CADM2: variants seen among roughly 807,000 people sequenced by gnomAD.
CADM2 encodes the protein cell adhesion molecule 2.
CADM2 carries 12 observed loss-of-function variants against 49.8 expected under a neutral mutation model. The observed-to-expected ratio is 0.24, with a 90% confidence interval of 0.15 to 0.39. CADM2 has a LOEUF of 0.39. Ranked by LOEUF, CADM2 falls within the 10% of genes least tolerant of loss-of-function variation. The pLI, the probability that CADM2 is intolerant of heterozygous loss-of-function variation, is 1.00. For synonymous variants in CADM2, 214 were observed against 175.4 expected (o/e 1.22, Z -1.74); for missense variants, 378 against 492.3 (o/e 0.77, Z 2.20).
intron 6 of CADM2, among the ~76,000 whole-genome samples, chr3:85,917,743 A>T (rs1184719534): frequency 6.6e-6 from 1 of 152,112 alleles, no homozygotes; most frequent in African/African-American, 2.4e-5. Flanking sequence ...CATTGAATCT[A>T]TAAATTACCT....
chr3:85,001,394 TC>T (rs2033456592), intron 1 of CADM2, among the ~76,000 whole-genome samples: 1 of 152,104 alleles, frequency 6.6e-6, no homozygotes. Context: ...CGTCTATCTA[TC>T]TACCCTTGTG....
At chr3:85,368,624 T>G (rs2032974007) in intron 1 of CADM2, among the ~76,000 whole-genome samples, 1 of 151,778 alleles carries the variant, frequency 6.6e-6, no homozygotes, top group Admixed American at 6.6e-5. Flanking sequence ...TATTTACCCT[T>G]CTTCACATAT....
chr3:85,783,269 A>C (rs980819344), intron 2 of CADM2, among the ~76,000 whole-genome samples: 1 of 152,202 alleles, frequency 6.6e-6, no homozygotes. Context: ...TGGTTAAATG[A>C]AGTAGCAAAT....
At chr3:85,835,764 AAT>A (rs60751030) in intron 3 of CADM2, among the ~76,000 whole-genome samples, 8 of 145,924 alleles carry the variant, frequency 5.5e-5, no homozygotes, top group African/African-American at 1.5e-4. Flanking sequence ...TATATAATAT[AAT>A]ATATATATAT....
chr3:85,818,043 C>A (rs2073324291), intron 3 of CADM2, among the ~76,000 whole-genome samples: 1 of 152,076 alleles, frequency 6.6e-6, no homozygotes, highest in Non-Finnish European at 1.5e-5. Flanking sequence ...ATCTTATATA[C>A]TCCTTTTAGA....
At chr3:85,134,140 G>T (rs1050539632) in intron 1 of CADM2, among the ~76,000 whole-genome samples, 5 of 152,208 alleles carry the variant, frequency 3.3e-5, no homozygotes, top group South Asian at 2.1e-4. Flanking sequence ...CCGCAGGGCC[G>T]GCCGGCTGCT....
At chr3:85,240,509 A>T (rs891683304) in intron 1 of CADM2, among the ~76,000 whole-genome samples, 1 of 151,528 alleles carries the variant, frequency 6.6e-6, no homozygotes, top group Non-Finnish European at 1.5e-5. Flanking sequence ...CTAGGTTAAT[A>T]GCTCCTATTT....
At chr3:85,574,109 T>G (rs900689592) in intron 1 of CADM2, among the ~76,000 whole-genome samples, 1 of 152,144 alleles carries the variant, frequency 6.6e-6, no homozygotes, top group Non-Finnish European at 1.5e-5. Flanking sequence ...CTTTGTTAGG[T>G]TGAAGGGTTA....
chr3:85,225,982 G>A (rs2042151597), intron 1 of CADM2, among the ~76,000 whole-genome samples: 1 of 152,200 alleles, frequency 6.6e-6, no homozygotes, highest in Non-Finnish European at 1.5e-5. Context: ...GCTTTCTGCG[G>A]TGCTGGTGGA....
intron 8 of CADM2, among the ~76,000 whole-genome samples, chr3:86,054,951 G>A (rs1031721506): frequency 6.6e-6 from 1 of 152,076 alleles, no homozygotes; most frequent in South Asian, 2.1e-4. Flanking sequence ...AGAGAACAGT[G>A]ATGTGTGAAG....
chr3:85,449,978 G>A (rs1306698908), intron 1 of CADM2, among the ~76,000 whole-genome samples: 1 of 152,086 alleles, frequency 6.6e-6, no homozygotes, highest in South Asian at 2.1e-4. Flanking sequence ...CTTGCCAAAT[G>A]GATGGCAGGT....
intron 1 of CADM2, among the ~76,000 whole-genome samples, chr3:85,373,149 A>G (rs1350251033): frequency 1.3e-5 from 2 of 152,166 alleles, no homozygotes; most frequent in African/African-American, 4.8e-5. Context: ...CTCTGTTACA[A>G]GGCAACTAAT....
intron 1 of CADM2, among the ~76,000 whole-genome samples, chr3:85,514,564 G>A (rs1576693624): frequency 1.3e-5 from 2 of 152,170 alleles, no homozygotes; most frequent in South Asian, 2.1e-4. Flanking sequence ...AGACCTTGAT[G>A]TCCTATAATG....
intron 2 of CADM2, among the ~76,000 whole-genome samples, chr3:85,789,110 C>T (rs1404102444): frequency 1.3e-5 from 2 of 152,058 alleles, no homozygotes; most frequent in African/African-American, 2.4e-5. Context: ...TCAATTGCCT[C>T]CAGAAAATTG....
chr3:84,966,294 G>A (rs1236872804), intron 1 of CADM2, among the ~76,000 whole-genome samples: 1 of 151,832 alleles, frequency 6.6e-6, no homozygotes, highest in East Asian at 1.9e-4. Flanking sequence ...TTATATATAT[G>A]CACATATATA....
chr3:85,710,310 G>A (rs1465756230), intron 1 of CADM2, among the ~76,000 whole-genome samples: 3 of 152,008 alleles, frequency 2.0e-5, no homozygotes, highest in Non-Finnish European at 2.9e-5. Context: ...TTTCTTATGT[G>A]TGGAAATGAT....
intron 1 of CADM2, among the ~76,000 whole-genome samples, chr3:85,717,813 G>A (rs2067350968): frequency 6.6e-6 from 1 of 152,156 alleles, no homozygotes; most frequent in Non-Finnish European, 1.5e-5. Flanking sequence ...TGTCGCCCAG[G>A]CTGGAGTGCA....
At chr3:85,762,932 T>C (rs2069463865) in intron 2 of CADM2, among the ~76,000 whole-genome samples, 2 of 151,870 alleles carry the variant, frequency 1.3e-5, no homozygotes, top group Non-Finnish European at 2.9e-5. Flanking sequence ...CATTTTATTA[T>C]ATATTTTAAA....
intron 2 of CADM2, among the ~76,000 whole-genome samples, 179 bp from the exon 3 acceptor site, chr3:85,801,868 A>G (rs966726833): frequency 1.3e-5 from 2 of 152,200 alleles, no homozygotes; most frequent in African/African-American, 4.8e-5. Context: ...TTATATGTCA[A>G]TGCTGTTGTT....
Sources: allele counts gnomAD v4.1 joint callset (sites outside exome capture counted in the v4.1 genomes callset), GRCh38; gene constraint gnomAD v4.1.1; transcripts MANE v1.5; gene names NCBI Gene and HGNC (gene_info 2026-07-23, HGNC 2026-07-21).